ENO4: variants seen among roughly 807,000 people sequenced by gnomAD.
ENO4 encodes the protein enolase 4.
A neutral mutation model predicts 63.2 loss-of-function variants in ENO4; 53 were observed. The observed-to-expected ratio is 0.84, with a 90% CI of 0.67 to 1.05. The LOEUF (loss-of-function observed/expected upper bound fraction) is 1.05, where lower values mean the gene tolerates loss of function less well. ENO4 is among the 50% of genes least tolerant of loss of function. The probability of loss-of-function intolerance (pLI) is 0.00; values close to 1 mark genes in which losing one functional copy is unlikely to be tolerated. For missense variants in ENO4, 719 were observed against 772.0 expected (o/e 0.93, Z 0.81); for synonymous variants, 266 against 283.8 (o/e 0.94, Z 0.63).
In ENO4 at chr10:116,905,976, T is replaced by A. The variant is rs190542583; in HGVS notation, c.1195-5523T>A. Among the ~76,000 whole-genome samples, 156 of 152,320 alleles carry A rather than the reference T, an allele frequency of 1.0e-3. 1 individual carries two copies. The highest frequency in any genetic ancestry group is 3.7e-3 in the African/African-American group (154 of 41,586). ...CCAGACTCGCTCAGATGGTACATTA[T>A]AGTCAGTGACAGAGCTGGAATTTCC... On this transcript the variant is annotated intron_variant, in intron 10 of 10. Transcript: ENST00000369207.
intron 1 of ENO4, among the ~76,000 whole-genome samples, chr10:116,853,212 G>A (rs1157097628): frequency 2.7e-5 from 4 of 148,580 alleles, no homozygotes; most frequent in African/African-American, 4.9e-5. Flanking sequence ...GGAGAATGGC[G>A]TGAACCCGGG....
chr10:116,876,994 GGT>G (rs1846854938), intron 11 of ENO4, among the ~76,000 whole-genome samples: 2 of 151,868 alleles, frequency 1.3e-5, no homozygotes, highest in African/African-American at 2.4e-5. Flanking sequence ...AAACCATAGA[GGT>G]ACCCCAACTC....
At chr10:116,911,389 G>C in intron 10 of ENO4, 1 of 1,403,770 alleles carries the variant, frequency 7.1e-7, no homozygotes, top group Non-Finnish European at 9.5e-7. Context: ...ATTTGGGGAG[G>C]AATTTAGCTT....
chr10:116,906,598 A>C, intron 10 of ENO4: 2 of 1,582,124 alleles, frequency 1.3e-6, no homozygotes, highest in African/African-American at 1.4e-5. Flanking sequence ...GATGAAGAGA[A>C]GGACTGTGGA....
At chr10:116,868,493 T>C in intron 7 of ENO4, 157 bp from the exon 8 acceptor site, 1 of 720,346 alleles carries the variant, frequency 1.4e-6, no homozygotes, top group South Asian at 1.5e-5. Flanking sequence ...GTGGCTGGAA[T>C]CATCCCTATG....
At chr10:116,869,295 T>C (rs1368969884) in intron 8 of ENO4, among the ~76,000 whole-genome samples, 4 of 152,198 alleles carry the variant, frequency 2.6e-5, no homozygotes, top group South Asian at 2.1e-4. Context: ...CTGATAGATG[T>C]ATCTATTATA....
intron 6 of ENO4, among the ~76,000 whole-genome samples, chr10:116,862,078 C>T (rs573003312): frequency 6.6e-6 from 1 of 152,026 alleles, no homozygotes; most frequent in South Asian, 2.1e-4. Context: ...TCACAACATA[C>T]TTTTCTACTT....
In ENO4 at chr10:116,905,556, T is replaced by C. The variant is rs572178229; in HGVS notation, c.1195-5943T>C. On this transcript the variant is annotated intron_variant, in intron 10 of 10. Transcript: ENST00000369207. Reference sequence around the variant, plus strand: ...AAAGTTTGGTTGGTATTAAGCCACTTTGGGTTCAAGGAATCAATTTACTCA... The same window carrying C: ...AAAGTTTGGTTGGTATTAAGCCACTCTGGGTTCAAGGAATCAATTTACTCA... Among the ~76,000 whole-genome samples, 12 of 152,314 alleles carry C rather than the reference T, an allele frequency of 7.9e-5. No homozygotes were observed. In the South Asian group the frequency reaches 1.7e-3, roughly 21 times the overall value.
chr10:116,878,739 TATC>T (rs1846906795), intron 11 of ENO4, among the ~76,000 whole-genome samples: 1 of 86,360 alleles, frequency 1.2e-5, no homozygotes, highest in African/African-American at 3.8e-5. Flanking sequence ...ACAAATCATA[TATC>T]TTTTTTTTTT....
At chr10:116,858,153 C>T (rs1380235629) in intron 3 of ENO4, among the ~76,000 whole-genome samples, 1 of 152,162 alleles carries the variant, frequency 6.6e-6, no homozygotes, top group Non-Finnish European at 1.5e-5. Flanking sequence ...TGTAGACCAA[C>T]TACAGAGATG....
In ENO4 at chr10:116,849,703, T is replaced by G. The variant is rs74357473; in HGVS notation, c.137T>G (p.Leu46Arg). The change falls in exon 1 of 14, where the codon CTC becomes CGC. Residue 46 changes from leucine to arginine, a missense_variant. Coordinates refer to ENST00000341276, the MANE Select transcript of ENO4 (RefSeq NM_001242699.2). ...GAGCTGCTCAACTCCACCTTCTACCTCCAGCCTGCCGACGTCTACGGGCAC... is the reference window on the plus strand; with the variant it reads ...GAGCTGCTCAACTCCACCTTCTACCGCCAGCCTGCCGACGTCTACGGGCAC... ...LEELLNSTFY[L>R]QPADVYGHLA... is the part of the protein sequence containing the mutation. The G allele has an allele frequency of 3.9e-6, 6 of 1,538,756 alleles. No individual in the cohort carries two copies. The highest frequency in any genetic ancestry group is 5.3e-6 in the Non-Finnish European group (6 of 1,140,922).
At chr10:116,854,912 GC>G (rs1471719770) in intron 1 of ENO4, among the ~76,000 whole-genome samples, 9 of 114,964 alleles carry the variant, frequency 7.8e-5, no homozygotes, top group African/African-American at 3.1e-4. Context: ...CTGCTCTCCA[GC>G]CTGGCTGACA....
intron 4 of ENO4, among the ~76,000 whole-genome samples, chr10:116,860,022 G>C (rs1016848917): frequency 3.9e-5 from 6 of 152,226 alleles, no homozygotes; most frequent in African/African-American, 1.4e-4. Context: ...ATGTTCGTTT[G>C]ATGGTTGCTT....
rs192644537 is a variant in ENO4 at position 116,904,930 on chromosome 10, G to A, written c.1195-6569G>A. ...AAAAATAGCAGTGTTGGCCGGGCGC[G>A]GTGGCTCACGCCTGTAATCCCAGCA... On this transcript the variant is annotated intron_variant, in intron 10 of 10. Transcript: ENST00000369207. Among the ~76,000 whole-genome samples, 332 of 152,054 alleles carry A rather than the reference G, an allele frequency of 2.2e-3. 5 individuals are homozygous for A. Among genetic ancestry groups the A allele is most frequent in the Non-Finnish European group, 1.4e-3 (92 of 68,018 alleles).
chr10:116,856,233 TTTATTG>T (rs2133248090), intron 2 of ENO4, among the ~76,000 whole-genome samples: 1 of 152,318 alleles, frequency 6.6e-6, no homozygotes. Context: ...AAGTCTGATT[TTTATTG>T]TTATTTATTG....
At chr10:116,883,849 G>A (rs1047546500), downstream of ENO4, 1 of 183,980 alleles carries the variant, frequency 5.4e-6, no homozygotes, top group Non-Finnish European at 1.2e-5. Context: ...TGCTGTGGGT[G>A]AGGACTTTGT....
intron 10 of ENO4, among the ~76,000 whole-genome samples, chr10:116,903,285 C>G (rs183208898): frequency 6.6e-6 from 1 of 152,094 alleles, no homozygotes; most frequent in Non-Finnish European, 1.5e-5. Flanking sequence ...GTAATCCCAG[C>G]ACTTTGAGAG....
At chr10:116,905,726 A>T (rs1847942766) in intron 10 of ENO4, among the ~76,000 whole-genome samples, 1 of 152,074 alleles carries the variant, frequency 6.6e-6, no homozygotes, top group South Asian at 2.1e-4. Flanking sequence ...AGCTGACTGA[A>T]CTCAATCTAG....
rs910393011 is a variant in ENO4, at chr10:116,855,709, C to T, written c.252C>T (p.Thr84=). 3.3e-6 allele frequency: 5 copies of T among 1,536,502 alleles called. No homozygotes were observed. Among genetic ancestry groups the T allele is most frequent in the Non-Finnish European group, 4.4e-6 (5 of 1,146,996 alleles). The part of the protein sequence containing the change: ...KDVLDGLGLP[T]LQVDIFCTIQ... Reference sequence around the variant, plus strand: ...TACTAGATGGACTGGGGCTTCCAACCCTGCAAGTGGACATATTCTGCACCA... The same window carrying T: ...TACTAGATGGACTGGGGCTTCCAACTCTGCAAGTGGACATATTCTGCACCA... Residue 84 remains threonine, a synonymous_variant, in exon 2 of 14, where the codon ACC becomes ACT. Coordinates refer to ENST00000341276, the MANE Select transcript of ENO4 (RefSeq NM_001242699.2).
Sources: gnomAD v4.1 joint callset for allele counts (sites outside exome capture counted in the v4.1 genomes callset) on GRCh38, gnomAD v4.1.1 for gene constraint, MANE v1.5 for transcripts, NCBI Gene and HGNC (gene_info 2026-07-23, HGNC 2026-07-21) for gene names.